The following TXNRD1 variants were observed in gnomAD, a reference collection of about 807,000 sequenced individuals.
The protein encoded by TXNRD1 is thioredoxin reductase 1, also known as thioredoxin reductase 1, cytoplasmic.
In TXNRD1, 57 loss-of-function variants were observed where a neutral mutation model predicts 80.3. That is an observed-to-expected ratio of 0.71 (90% CI 0.57 to 0.89). The LOEUF (loss-of-function observed/expected upper bound fraction) is 0.89, where lower values mean the gene tolerates loss of function less well. TXNRD1 is among the 40% of genes least tolerant of loss of function. TXNRD1 has a pLI of 0.00. For missense variants in TXNRD1, 730 were observed against 803.0 expected (o/e 0.91, Z 1.10); for synonymous variants, 291 against 285.2 (o/e 1.02, Z -0.20).
intron 1 of TXNRD1, among the ~76,000 whole-genome samples, chr12:104,224,287 T>C (rs190183019): frequency 6.6e-6 from 1 of 152,358 alleles, no homozygotes; most frequent in East Asian, 1.9e-4. Flanking sequence ...TTTTGCCCTT[T>C]CTGGACATCT....
chr12:104,218,495 G>C (rs1229624311), intron 1 of TXNRD1, among the ~76,000 whole-genome samples: 1 of 152,044 alleles, frequency 6.6e-6, no homozygotes, highest in Non-Finnish European at 1.5e-5. Context: ...ACACTACTCT[G>C]ATTTCTAACA....
chr12:104,343,386 T>C (rs2036388926), intron 16 of TXNRD1, among the ~76,000 whole-genome samples: 1 of 152,200 alleles, frequency 6.6e-6, no homozygotes, highest in African/African-American at 2.4e-5. Flanking sequence ...AAATGATTCT[T>C]GGTAGCAACA....
rs189397848 is a variant in TXNRD1 at position 104,248,975 on chromosome 12, C to T, written c.92-2552C>T. Among the ~76,000 whole-genome samples, 343 of 152,334 alleles carry T rather than the reference C, an allele frequency of 2.3e-3. 4 individuals carry two copies. The highest frequency in any genetic ancestry group is 3.4e-4 in the Non-Finnish European group (23 of 68,034). ...GGGATTACAGGCATGAGCCACCGCCCCGGGCCCAGAGAAATTACAAGCGAG... is the reference window on the plus strand; with the variant it reads ...GGGATTACAGGCATGAGCCACCGCCTCGGGCCCAGAGAAATTACAAGCGAG... On this transcript the variant is annotated intron_variant, in intron 1 of 16. Transcript: ENST00000525566.
At chr12:104,298,444 G>T (rs965631339) in intron 4 of TXNRD1, among the ~76,000 whole-genome samples, 1 of 152,038 alleles carries the variant, frequency 6.6e-6, no homozygotes, top group African/African-American at 2.4e-5. Flanking sequence ...ATTTTTCTGG[G>T]GCCGGGCGCA....
At chr12:104,216,235 G>A (rs2032206230) in intron 1 of TXNRD1, among the ~76,000 whole-genome samples, 1 of 152,254 alleles carries the variant, frequency 6.6e-6, no homozygotes, top group African/African-American at 2.4e-5. Context: ...GCCCGTTAGG[G>A]CGTCCTCTTC....
intron 1 of TXNRD1, among the ~76,000 whole-genome samples, chr12:104,216,866 G>A (rs1173943762): frequency 2.0e-5 from 3 of 152,180 alleles, no homozygotes; most frequent in Non-Finnish European, 4.4e-5. Context: ...CTCTTTCAAA[G>A]GCTTACAGTT....
At position 104,265,246 on chromosome 12, in the gene TXNRD1, G is replaced by A. The variant is rs561519477; in HGVS notation, c.304+7167G>A. 7.6e-6 allele frequency: 10 copies of A among 1,317,340 alleles called. No homozygotes were observed. The African/African-American group carries it at 1.5e-4, about 20-fold the overall frequency. 81.6% of individuals were successfully genotyped at this position (1,317,340 alleles called of 1,614,324 possible). A position where few individuals can be genotyped will look rare whatever the true frequency, so the allele number is the denominator to read the frequency against. ...CAGCCTGGTGACAGAGTGAGACTCC[G>A]TCTTAAAAAAAAAAAAAAAAAAACT... On this transcript the variant is annotated intron_variant, in intron 3 of 16. Transcript: ENST00000525566.
intron 10 of TXNRD1, among the ~76,000 whole-genome samples, chr12:104,323,058 G>A (rs1463426429): frequency 1.7e-5 from 2 of 116,186 alleles, no homozygotes; most frequent in East Asian, 2.3e-4. Context: ...ATCTTGCACT[G>A]CCCTTAATCC....
rs960356549 is a variant in TXNRD1 at position 104,294,275 on chromosome 12, G to A, written c.414+5235G>A. Among the ~76,000 whole-genome samples, 31 of 144,776 alleles carry A rather than the reference G, an allele frequency of 2.1e-4. No homozygotes were observed. The East Asian group carries it at 5.7e-3, about 26-fold the overall frequency. 95.0% of individuals were successfully genotyped at this position (144,776 alleles called of 152,430 possible). ...CGGCTTTCCCGGTCTGCTAAGTAGC[G>A]GGTGTTGTTTCTTGACACCTTTTGC... On this transcript the variant is annotated intron_variant, in intron 4 of 16. Coordinates refer to ENST00000525566, the MANE Select transcript of TXNRD1 (RefSeq NM_001093771.3).
chr12:104,230,185 G>A (rs2032584201), intron 1 of TXNRD1, among the ~76,000 whole-genome samples: 1 of 150,270 alleles, frequency 6.7e-6, no homozygotes, highest in South Asian at 2.1e-4. Context: ...TCTTCTGCTT[G>A]AGCCTCCTGA....
intron 16 of TXNRD1, among the ~76,000 whole-genome samples, chr12:104,344,411 G>A (rs1303045878): frequency 6.6e-6 from 1 of 151,374 alleles, no homozygotes; most frequent in Non-Finnish European, 1.5e-5. Flanking sequence ...ACTGGATTTT[G>A]AAAAACCAAA....
At chr12:104,334,454 C>A in intron 15 of TXNRD1, 122 bp downstream of exon 15, 1 of 408,634 alleles carries the variant, frequency 2.4e-6, no homozygotes, top group Non-Finnish European at 4.1e-6. Flanking sequence ...GCTATCTCTG[C>A]TCACTGCAAC....
chr12:104,235,530 A>G (rs547318289), intron 1 of TXNRD1, among the ~76,000 whole-genome samples: 1 of 152,250 alleles, frequency 6.6e-6, no homozygotes, highest in East Asian at 1.9e-4. Flanking sequence ...AAGGTTTACC[A>G]GTCGGGCTTT....
chr12:104,237,745 T>A (rs1367421022), intron 1 of TXNRD1, among the ~76,000 whole-genome samples: 1 of 152,234 alleles, frequency 6.6e-6, no homozygotes, highest in Admixed American at 6.5e-5. Context: ...CCAGACGTGG[T>A]GGCTCATGCC....
intron 3 of TXNRD1, among the ~76,000 whole-genome samples, chr12:104,261,414 C>T (rs940345455): frequency 1.3e-5 from 2 of 152,192 alleles, no homozygotes; most frequent in East Asian, 1.9e-4. Context: ...CCATCCACCT[C>T]GGCCTCCCAA....
Position 104,258,371 on chromosome 12 carries a change from G to A in TXNRD1, c.304+292G>A, listed in dbSNP as rs938900209. The A allele has an allele frequency of 1.2e-5, 3 of 249,112 alleles. No homozygotes were observed. The Admixed American group carries it at 1.7e-4, about 14-fold the overall frequency. 15.4% of individuals were successfully genotyped at this position (249,112 alleles called of 1,614,324 possible). The stretch of plus-strand genomic sequence containing the variant: ...AGATACAGTATTTGCTGGTTTTATG[G>A]TAACTTTACTTTTGCAAATTTGTCT... On this transcript the variant is annotated intron_variant, in intron 3 of 16. Transcript: ENST00000525566.
At chr12:104,333,072 TA>T (rs903507470) in intron 14 of TXNRD1, among the ~76,000 whole-genome samples, 7 of 151,542 alleles carry the variant, frequency 4.6e-5, no homozygotes, top group East Asian at 1.9e-4. Flanking sequence ...AATCTCCATT[TA>T]AAAAAAATGT....
In TXNRD1 at chr12:104,332,749, CAAAAAAA is replaced by C. The variant is rs34106883; in HGVS notation, c.1650+1124_1650+1130del. On this transcript the variant is annotated intron_variant, in intron 14 of 16. Coordinates refer to ENST00000525566, the MANE Select transcript of TXNRD1 (RefSeq NM_001093771.3). ...GGGCAACAAGAGAGAAACTCCGTCT[CAAAAAAA>C]AAAAAAAAAAAAAAAGAATAGTATA... is the stretch of plus-strand genomic sequence containing the variant. 1.0e-4 allele frequency among the ~76,000 whole-genome samples: 8 copies of C among 76,730 alleles called. No individual in the cohort carries two copies. In the South Asian group the frequency reaches 1.9e-3, roughly 18 times the overall value. The allele number at this position is 76,730 out of a possible 152,430, so 50.3% of individuals were successfully genotyped here.
intron 8 of TXNRD1, 85 bp from the exon 9 acceptor site, chr12:104,319,385 G>A: frequency 1.2e-6 from 1 of 839,720 alleles, no homozygotes; most frequent in Non-Finnish European, 1.9e-6. Context: ...ATGAGACAAT[G>A]TAGTGAATGG....
Sources: allele counts gnomAD v4.1 joint callset (sites outside exome capture counted in the v4.1 genomes callset), GRCh38; gene constraint gnomAD v4.1.1; transcripts MANE v1.5; gene names NCBI Gene and HGNC (gene_info 2026-07-23, HGNC 2026-07-21).